USP6NL: variants seen among roughly 807,000 people sequenced by gnomAD.
USP6NL encodes the protein USP6 N-terminal-like protein.
A neutral mutation model predicts 61.9 loss-of-function variants in USP6NL; 26 were observed. The ratio of observed to expected loss-of-function variants is 0.42; its 90% confidence interval spans 0.31 to 0.58. The LOEUF (loss-of-function observed/expected upper bound fraction) is 0.58, where lower values mean the gene tolerates loss of function less well. Ranked by LOEUF, USP6NL falls within the 20% of genes least tolerant of loss-of-function variation. The pLI, the probability that USP6NL is intolerant of heterozygous loss-of-function variation, is 0.16. For missense variants in USP6NL, 1,114 were observed against 1,034.3 expected, an observed-to-expected ratio of 1.08 and a Z score of -1.06; for synonymous variants, 432 against 390.1, an observed-to-expected ratio of 1.11 and a Z score of -1.27.
chr10:11,545,318 C>T (rs1426884001), intron 2 of USP6NL, among the ~76,000 whole-genome samples: 5 of 152,150 alleles, frequency 3.3e-5, no homozygotes, highest in Admixed American at 2.6e-4. Context: ...TGTCCTCTAG[C>T]TTCTTCACTG....
intron 14 of USP6NL, among the ~76,000 whole-genome samples, chr10:11,472,304 T>TG (rs1832784481): frequency 6.6e-6 from 1 of 152,262 alleles, no homozygotes; most frequent in Non-Finnish European, 1.5e-5. Context: ...GGCTTGTCCC[T>TG]GCTTGATCTT....
chr10:11,527,600 T>A (rs559477084), intron 2 of USP6NL, 33 bp from the exon 3 acceptor site: 1 of 1,569,002 alleles, frequency 6.4e-7, no homozygotes, highest in Admixed American at 1.8e-5. Context: ...AGATGAATTG[T>A]CATTGAAAGA....
In USP6NL at chr10:11,598,725, C is replaced by T. The variant is rs1838409932; in HGVS notation, c.-83-1008G>A. 6.6e-6 allele frequency among the ~76,000 whole-genome samples: 1 copy of T among 152,182 alleles called. No homozygotes were observed. ...CAATTAAGAAAACAGTATACTACTA[C>T]TAGAGACCTCTGCTTTAGAATCAAA... On this transcript the variant is annotated intron_variant, in intron 1 of 14. Coordinates refer to ENST00000609104, the MANE Select transcript of USP6NL (RefSeq NM_014688.5). The surrounding 1 kb of genome is among the most constrained non-coding windows in gnomAD (Gnocchi z 4.7).
intron 2 of USP6NL, among the ~76,000 whole-genome samples, chr10:11,559,505 AG>A (rs772297893): frequency 2.0e-5 from 3 of 152,166 alleles, no homozygotes; most frequent in Non-Finnish European, 2.9e-5. Context: ...TAATCACTTT[AG>A]GATAGTATAC....
At chr10:11,584,380 C>T (rs1384246544) in intron 2 of USP6NL, among the ~76,000 whole-genome samples, 1 of 152,164 alleles carries the variant, frequency 6.6e-6, no homozygotes, top group Non-Finnish European at 1.5e-5. Context: ...TAAACACAGA[C>T]GTCCCTCTAA....
chr10:11,555,465 G>GAGAA (rs1836671476), intron 2 of USP6NL, among the ~76,000 whole-genome samples: 1 of 90,520 alleles, frequency 1.1e-5, no homozygotes, highest in African/African-American at 4.2e-5. Context: ...GAGAGAGAGA[G>GAGAA]AGAGAAAGAG....
rs539213376 is a variant in USP6NL, at chr10:11,525,708, G to A, written c.73-240C>T. 9.9e-5 allele frequency among the ~76,000 whole-genome samples: 15 copies of A among 152,204 alleles called. No homozygotes were observed. The South Asian group carries it at 2.3e-3, about 23-fold the overall frequency. ...ATGCTGTGTGTCAGCAGCAGCTGAC[G>A]CGGAGCTGAGCCAGGATCAGGCCAG... On this transcript the variant is annotated intron_variant, in intron 3 of 14. Coordinates refer to ENST00000609104, the MANE Select transcript of USP6NL (RefSeq NM_014688.5). This position sits in a 1 kb window ranked among gnomAD's most constrained non-coding sequence, Gnocchi z 5.0.
At position 11,460,647 on chromosome 10, in the gene USP6NL, AT is replaced by A. The variant is rs2096211102; in HGVS notation, c.*1793del. 1.4e-4 allele frequency: 20 copies of A among 145,504 alleles called. No individual in the cohort carries two copies. In the East Asian group the frequency reaches 1.4e-3, roughly 10 times the overall value. The allele number at this position is 145,504 out of a possible 1,614,324, so 9.0% of individuals were successfully genotyped here. A position where few individuals can be genotyped will look rare whatever the true frequency, so the allele number is the denominator to read the frequency against. On this transcript the variant is annotated 3_prime_UTR_variant, in exon 15 of 15. Coordinates refer to ENST00000609104, the MANE Select transcript of USP6NL (RefSeq NM_014688.5). Reference sequence around the variant, plus strand: ...TGCATATATATATATATATATATATATATATATAAAAATCTACAGTATTTAC... The same window carrying A: ...TGCATATATATATATATATATATATAATATATAAAAATCTACAGTATTTAC...
At position 11,487,137 on chromosome 10, in the gene USP6NL, T is replaced by TTC. The variant is rs1467697455; in HGVS notation, c.665-1227_665-1226insGA. Among the ~76,000 whole-genome samples the TTC allele has an allele frequency of 1.3e-5, 2 of 152,090 alleles. No homozygotes were observed. Among genetic ancestry groups the TTC allele is most frequent in the African/African-American group, 4.8e-5 (2 of 41,420 alleles). On this transcript the variant is annotated intron_variant, in intron 10 of 14. Transcript: ENST00000609104. This position sits in a 1 kb window ranked among gnomAD's most constrained non-coding sequence, Gnocchi z 4.2. ...GAAAAATTTTCAAGAAAAGTCTAATTTTCGAAAAGTCAATACAGTTCAGTA... is the reference window on the plus strand; with the variant it reads ...GAAAAATTTTCAAGAAAAGTCTAATTTCTTCGAAAAGTCAATACAGTTCAGTA...
intron 2 of USP6NL, among the ~76,000 whole-genome samples, chr10:11,533,120 G>A (rs1226888301): frequency 1.3e-5 from 2 of 152,152 alleles, no homozygotes; most frequent in South Asian, 2.1e-4. Flanking sequence ...CTTAAGCCAG[G>A]TGTAACATTC....
intron 7 of USP6NL, among the ~76,000 whole-genome samples, chr10:11,497,171 A>C (rs1833966806): frequency 1.4e-5 from 2 of 146,918 alleles, no homozygotes; most frequent in African/African-American, 5.1e-5. Context: ...GCGCTTTGGA[A>C]GGGTGAGGTG....
chr10:11,573,105 C>T (rs1317394994), intron 2 of USP6NL, among the ~76,000 whole-genome samples: 1 of 151,982 alleles, frequency 6.6e-6, no homozygotes, highest in East Asian at 1.9e-4. Flanking sequence ...CTAAAAAAGG[C>T]AATAAAATCT....
At chr10:11,505,761 A>G (rs1228546433) in intron 6 of USP6NL, among the ~76,000 whole-genome samples, 1 of 152,182 alleles carries the variant, frequency 6.6e-6, no homozygotes, top group African/African-American at 2.4e-5. Context: ...CAAGTGTGCA[A>G]TCCACATCAT....
Position 11,468,761 on chromosome 10 carries a change from A to T in USP6NL, c.1079-4912T>A, listed in dbSNP as rs917543298. ...TCATTCTGGAATCCTTTAGCCACAG[A>T]GGAGGCACATATCAGTAAAGACTGA... On this transcript the variant is annotated intron_variant, in intron 14 of 14. Coordinates refer to ENST00000609104, the MANE Select transcript of USP6NL (RefSeq NM_014688.5). The surrounding 1 kb of genome is among the most constrained non-coding windows in gnomAD (Gnocchi z 4.5). Among the ~76,000 whole-genome samples, 1 of 152,244 alleles carries T rather than the reference A, an allele frequency of 6.6e-6. No individual in the cohort carries two copies. The highest frequency in any genetic ancestry group is 2.4e-5 in the African/African-American group (1 of 41,464).
chr10:11,518,635 T>C lies in USP6NL; in HGVS notation c.156-61A>G. 2 of 1,254,568 alleles carry C rather than the reference T, an allele frequency of 1.6e-6. No homozygotes were observed. Among genetic ancestry groups the C allele is most frequent in the Non-Finnish European group, 1.2e-6 (1 of 864,364 alleles). The allele number at this position is 1,254,568 out of a possible 1,614,324, so 77.7% of individuals were successfully genotyped here. Reference sequence around the variant, plus strand: ...AAATCAAAACAAACTTTTAAAAGCTTATATACTTATAGATACATATGACAT... The same window carrying C: ...AAATCAAAACAAACTTTTAAAAGCTCATATACTTATAGATACATATGACAT... On this transcript the variant is annotated intron_variant, in intron 4 of 14. Coordinates refer to ENST00000609104, the MANE Select transcript of USP6NL (RefSeq NM_014688.5). This position sits in a 1 kb window ranked among gnomAD's most constrained non-coding sequence, Gnocchi z 5.3.
intron 1 of USP6NL, among the ~76,000 whole-genome samples, chr10:11,605,137 AGAAATCT>A (rs1241671712): frequency 6.6e-6 from 1 of 152,240 alleles, no homozygotes; most frequent in Non-Finnish European, 1.5e-5. Flanking sequence ...AAGAGAAGAC[AGAAATCT>A]GAAATAGAAA....
chr10:11,547,542 C>CTTTTTTT (rs11409797), intron 2 of USP6NL, among the ~76,000 whole-genome samples: 1 of 137,998 alleles, frequency 7.2e-6, no homozygotes, highest in Non-Finnish European at 1.5e-5. Context: ...CATTTTAAAA[C>CTTTTTTT]TTTTTTTTTT....
In USP6NL at chr10:11,490,159, G is replaced by A. The variant is rs959124269; in HGVS notation, c.543+673C>T. Among the ~76,000 whole-genome samples, 10 of 152,156 alleles carry A rather than the reference G, an allele frequency of 6.6e-5. No homozygotes were observed. Among genetic ancestry groups the A allele is most frequent in the African/African-American group, 2.2e-4 (9 of 41,432 alleles). ...CTTTTTAACTTTTCCTAGTTTGAGC[G>A]AATTTCTGTTCTTATAATTTAAAGG... On this transcript the variant is annotated intron_variant, in intron 9 of 14. Coordinates refer to ENST00000609104, the MANE Select transcript of USP6NL (RefSeq NM_014688.5). This position sits in a 1 kb window ranked among gnomAD's most constrained non-coding sequence, Gnocchi z 4.5.
In USP6NL at chr10:11,463,303, C is replaced by T; in HGVS notation, c.1625G>A (p.Gly542Glu). Residue 542 changes from glycine to glutamate, a missense_variant, in exon 15 of 15, where the codon GGG (glycine) becomes GAG (glutamate). Coordinates refer to ENST00000609104, the MANE Select transcript of USP6NL (RefSeq NM_014688.5). The surrounding 1 kb of genome is among the most constrained non-coding windows in gnomAD (Gnocchi z 6.3). ...PKMKALDAEDGKRGSTASQYD... is the reference protein window; with the variant it reads ...PKMKALDAEDEKRGSTASQYD... ...CTGCGATGCAGTGGAGCCCCGCTTC[C>T]CGTCCTCAGCATCCAGGGCCTTCAT... is the stretch of plus-strand genomic sequence containing the variant. 1.2e-6 allele frequency: 2 copies of T among 1,613,934 alleles called. No individual in the cohort carries two copies. Among genetic ancestry groups the T allele is most frequent in the South Asian group, 2.2e-5 (2 of 91,090 alleles).
Sources: gnomAD v4.1 joint callset for allele counts (sites outside exome capture counted in the v4.1 genomes callset) on GRCh38, gnomAD v4.1.1 for gene constraint, Gnocchi (gnomAD v3.1) non-coding constraint, MANE v1.5 for transcripts, NCBI Gene and HGNC (gene_info 2026-07-23, HGNC 2026-07-21) for gene names.